CHD1: variants seen among roughly 807,000 people sequenced by gnomAD.
CHD1 encodes ATP-dependent chromatin remodeler CHD1.
A neutral mutation model predicts 224.2 loss-of-function variants in CHD1; 36 were observed. The ratio of observed to expected loss-of-function variants is 0.16; its 90% CI spans 0.12 to 0.21. CHD1 has a LOEUF of 0.21. CHD1 is among the 10% of genes least tolerant of loss of function. The probability of loss-of-function intolerance (pLI) is 1.00; values close to 1 mark genes in which losing one functional copy is unlikely to be tolerated. For missense variants in CHD1, 1,378 were observed against 1,994.8 expected (o/e 0.69, Z 5.89); for synonymous variants, 668 against 658.3 (o/e 1.01, Z -0.23).
At chr5:98,883,615 C>T (rs1392655573) in intron 18 of CHD1, among the ~76,000 whole-genome samples, 3 of 151,650 alleles carry the variant, frequency 2.0e-5, no homozygotes, top group Non-Finnish European at 4.4e-5. Flanking sequence ...TGAGTATCTG[C>T]CCAGAGCAAA....
In CHD1 at chr5:98,899,909, G is replaced by A. The variant is rs115283707; in HGVS notation, c.860-204C>T. ...ATCTAATATAATCCCCTCCTTTTTC[G>A]AATTAGAAAAAATAAAAAGACAGAG... On this transcript the variant is annotated intron_variant, in intron 7 of 35. Coordinates refer to ENST00000614616, the MANE Select transcript of CHD1 (RefSeq NM_001270.4). Among the ~76,000 whole-genome samples, 1,167 of 151,448 alleles carry A rather than the reference G, an allele frequency of 7.7e-3. 4 individuals carry two copies. Among genetic ancestry groups the A allele is most frequent in the Middle Eastern group, 0.024 (7 of 292 alleles).
At chr5:98,870,598 A>C in intron 29 of CHD1, 89 bp downstream of exon 29, 1 of 608,732 alleles carries the variant, frequency 1.6e-6, no homozygotes, top group East Asian at 2.8e-5. Context: ...ATAAGCTCAT[A>C]TTGACTTCAG....
chr5:98,870,771 T>C lies in CHD1; in HGVS notation c.3894A>G (p.Gln1298=), dbSNP rs762958819. 1 of 1,612,076 alleles carries C rather than the reference T, an allele frequency of 6.2e-7. No individual in the cohort carries two copies. Among genetic ancestry groups the C allele is most frequent in the South Asian group, 1.1e-5 (1 of 90,788 alleles). The change falls in exon 29 of 36, where the codon CAA becomes CAG. Residue 1298 remains glutamine, a synonymous_variant. Transcript: ENST00000614616. The part of the protein sequence containing the change: ...ILPDDPDKKP[Q]AKQLQTRADY... ...CTGCACGGGTCTGCAACTGTTTTGCTTGTGGTTTTTTATCGGGATCATCTG... is the reference window on the plus strand; with the variant it reads ...CTGCACGGGTCTGCAACTGTTTTGCCTGTGGTTTTTTATCGGGATCATCTG...
At chr5:98,882,212 A>C (rs1393920704) in intron 19 of CHD1, 89 bp from the exon 20 acceptor site, 4 of 1,086,944 alleles carry the variant, frequency 3.7e-6, no homozygotes, top group Non-Finnish European at 5.2e-6. Context: ...CACAAATTGA[A>C]GCTCATTCTA....
At chr5:98,860,291 C>T (rs577301067) in intron 32 of CHD1, 5 of 487,318 alleles carry the variant, frequency 1.0e-5, no homozygotes, top group African/African-American at 2.0e-5. Context: ...TCTTCCAAAT[C>T]GCTTCATTTT....
intron 19 of CHD1, among the ~76,000 whole-genome samples, chr5:98,882,702 A>G (rs1750282795): frequency 6.6e-6 from 1 of 152,210 alleles, no homozygotes; most frequent in African/African-American, 2.4e-5. Context: ...GGTCACGTTT[A>G]CATGTGGAGA....
At chr5:98,920,233 T>A (rs1204486283) in intron 2 of CHD1, among the ~76,000 whole-genome samples, 1 of 151,606 alleles carries the variant, frequency 6.6e-6, no homozygotes. Flanking sequence ...ATGTAAATAC[T>A]CCCCCCACCA....
Position 98,928,935 on chromosome 5 carries a change from G to GGTCGCC in CHD1, c.-551_-546dup, listed in dbSNP as rs1346306279. 2 of 153,672 alleles carry GGTCGCC rather than the reference G, an allele frequency of 1.3e-5. No individual in the cohort carries two copies. Among genetic ancestry groups the GGTCGCC allele is most frequent in the African/African-American group, 2.4e-5 (1 of 41,354 alleles). The allele number at this position is 153,672 out of a possible 1,614,324, so 9.5% of individuals were successfully genotyped here. A position where few individuals can be genotyped will look rare whatever the true frequency, so the allele number is the denominator to read the frequency against. ...CCGTCGTAGCCGCCGCCGCCACCGA[G>GGTCGCC]GTCGCCGTCGCCTCCGCCTCCCGCG... On this transcript the variant is annotated 5_prime_UTR_variant, in exon 1 of 36. Transcript: ENST00000614616.
chr5:98,890,213 C>A (rs1486620196), intron 15 of CHD1, among the ~76,000 whole-genome samples: 3 of 152,124 alleles, frequency 2.0e-5, no homozygotes, highest in Non-Finnish European at 2.9e-5. Flanking sequence ...TCACCATGAC[C>A]TTTTCCACCT....
At chr5:98,905,837 A>T (rs1409444634) in intron 2 of CHD1, among the ~76,000 whole-genome samples, 1 of 152,176 alleles carries the variant, frequency 6.6e-6, no homozygotes, top group African/African-American at 2.4e-5. Context: ...TCCAAGATAG[A>T]GCAGAAATAG....
chr5:98,871,517 A>G (rs1749345770), intron 28 of CHD1, among the ~76,000 whole-genome samples: 2 of 151,860 alleles, frequency 1.3e-5, no homozygotes, highest in Non-Finnish European at 2.9e-5. Context: ...AAAATTAATG[A>G]TGAATGGGTA....
In CHD1 at chr5:98,896,289, A is replaced by T. The variant is rs1751340924; in HGVS notation, c.1647T>A (p.Ile549=). The part of the protein sequence containing the change: ...LSTLTSWQRE[I]QTWASQMNAV... ...CATTCATTTGAGAAGCCCAAGTCTG[A>T]ATTTCCCTTTGCCAGGAAGTAAGAG... The change falls in exon 12 of 36, where the codon ATT becomes ATA. Residue 549 remains isoleucine, a synonymous_variant. Transcript: ENST00000614616. 13 of 1,614,066 alleles carry T rather than the reference A, an allele frequency of 8.1e-6. No homozygotes were observed. The highest frequency in any genetic ancestry group is 7.6e-6 in the Non-Finnish European group (9 of 1,180,018).
At position 98,856,261 on chromosome 5, in the gene CHD1, C is replaced by G; in HGVS notation, c.*119G>C. On this transcript the variant is annotated 3_prime_UTR_variant, in exon 36 of 36. Coordinates refer to ENST00000614616, the MANE Select transcript of CHD1 (RefSeq NM_001270.4). ...GACCTTGCATCCTGGAAAGAAGTAA[C>G]AATACTGCTACTGATAGAAGATCTG... is the stretch of plus-strand genomic sequence containing the variant. 1.4e-6 allele frequency: 1 copy of G among 689,942 alleles called. No homozygotes were observed. Among genetic ancestry groups the G allele is most frequent in the Non-Finnish European group, 2.5e-6 (1 of 405,090 alleles). The allele number at this position is 689,942 out of a possible 1,614,324, so 42.7% of individuals were successfully genotyped here.
chr5:98,869,610 G>A lies in CHD1; in HGVS notation c.4107+144C>T, dbSNP rs1245365035. The A allele has an allele frequency of 4.7e-5, 36 of 767,650 alleles. 2 individuals carry two copies. The highest frequency in any genetic ancestry group is 3.8e-4 in the Middle Eastern group (1 of 2,600). 47.6% of individuals were successfully genotyped at this position (767,650 alleles called of 1,614,324 possible). The stretch of plus-strand genomic sequence containing the variant: ...ACTGTTATGAACTATAAGTGCGTGC[G>A]CACGTGCGCGCGCACACACACACAC... On this transcript the variant is annotated intron_variant, in intron 30 of 35. Transcript: ENST00000614616.
Position 98,878,449 on chromosome 5 carries a change from A to C in CHD1, c.3237+1103T>G, listed in dbSNP as rs112824546. 4.7e-3 allele frequency among the ~76,000 whole-genome samples: 717 copies of C among 152,390 alleles called. 8 individuals carry two copies. The highest frequency in any genetic ancestry group is 0.016 in the African/African-American group (658 of 41,596). On this transcript the variant is annotated intron_variant, in intron 23 of 35. Coordinates refer to ENST00000614616, the MANE Select transcript of CHD1 (RefSeq NM_001270.4). ...TTGCCCCAGGCTTAAAATTTAAGGA[A>C]GCACGAAAAAACTCAGCAATCAAGA...
chr5:98,918,136 C>A (rs180968878), intron 2 of CHD1, among the ~76,000 whole-genome samples: 1 of 151,442 alleles, frequency 6.6e-6, no homozygotes, highest in African/African-American at 2.4e-5. Context: ...CGGCTCACTG[C>A]AAGCTCTGCC....
intron 2 of CHD1, among the ~76,000 whole-genome samples, chr5:98,921,260 G>A (rs1359565003): frequency 3.3e-5 from 5 of 152,168 alleles, no homozygotes; most frequent in Admixed American, 6.5e-5. Context: ...CCGGAGAAAC[G>A]AAACTTACCT....
At chr5:98,891,544 C>G (rs1406101883) in intron 15 of CHD1, among the ~76,000 whole-genome samples, 1 of 152,060 alleles carries the variant, frequency 6.6e-6, no homozygotes, top group African/African-American at 2.4e-5. Context: ...GGCACAGTGG[C>G]TCATACCTGT....
chr5:98,892,525 T>C lies in CHD1; in HGVS notation c.2180A>G (p.Lys727Arg). 6.2e-7 allele frequency: 1 copy of C among 1,610,568 alleles called. No individual in the cohort carries two copies. The highest frequency in any genetic ancestry group is 8.5e-7 in the Non-Finnish European group (1 of 1,177,418). Residue 727 changes from lysine (K) to arginine (R), a missense_variant and splice_region_variant, in exon 15 of 36, where the codon AAA (lysine) becomes AGA (arginine). Around this residue, in one of 16 missense-constraint regions of CHD1, gnomAD observed 58 missense variants for 90.0 expected, o/e 0.64. Coordinates refer to ENST00000614616, the MANE Select transcript of CHD1 (RefSeq NM_001270.4). ...GAACTGTGTTCTGTGTACAGCTTAC[T>C]TGTAATATTGTTTCTGTAAAGCACT... ...EMSALQKQYY[K>R]WILTRNYKAL...
Sources: gnomAD v4.1 joint callset for allele counts (sites outside exome capture counted in the v4.1 genomes callset) on GRCh38, gnomAD v4.1.1 for gene constraint, gnomAD v4.1.1 regional missense constraint, MANE v1.5 for transcripts, NCBI Gene and HGNC (gene_info 2026-07-23, HGNC 2026-07-21) for gene names.